Variants in NEURL1 observed in about 807,000 individuals in gnomAD.
The protein encoded by NEURL1 is E3 ubiquitin-protein ligase NEURL1.
NEURL1 carries 26 observed loss-of-function variants against 41.2 expected under a neutral mutation model. That is an observed-to-expected ratio of 0.63 (90% CI 0.46 to 0.87). The LOEUF (loss-of-function observed/expected upper bound fraction) is 0.87. Ranked by LOEUF, NEURL1 falls within the 40% of genes least tolerant of loss-of-function variation. The pLI, the probability that NEURL1 is intolerant of heterozygous loss-of-function variation, is 0.00. For synonymous variants in NEURL1, 400 were observed against 402.3 expected (o/e 0.99, Z 0.07); for missense variants, 761 against 871.1 (o/e 0.87, Z 1.59).
At chr10:103,532,533 G>T (rs1257068848) in intron 1 of NEURL1, among the ~76,000 whole-genome samples, 5 of 152,150 alleles carry the variant, frequency 3.3e-5, no homozygotes, top group Non-Finnish European at 7.4e-5. Flanking sequence ...AGCTTTGCTG[G>T]ATATGGTATT....
At chr10:103,532,539 G>T (rs2034593438) in intron 1 of NEURL1, among the ~76,000 whole-genome samples, 1 of 152,046 alleles carries the variant, frequency 6.6e-6, no homozygotes, top group African/African-American at 2.4e-5. Flanking sequence ...GCTGGATATG[G>T]TATTATTGGC....
chr10:103,517,731 C>A (rs887530902), intron 1 of NEURL1, among the ~76,000 whole-genome samples: 11 of 152,248 alleles, frequency 7.2e-5, no homozygotes, highest in African/African-American at 2.4e-4. Flanking sequence ...TGCAGCAGCT[C>A]TTTGAGTGCT....
intron 3 of NEURL1, among the ~76,000 whole-genome samples, chr10:103,576,112 A>T (rs1303317233): frequency 6.6e-6 from 1 of 152,226 alleles, no homozygotes; most frequent in African/African-American, 2.4e-5. Context: ...TCCCTGGGGG[A>T]CACATCATAT....
chr10:103,581,090 C>T (rs537143376), intron 3 of NEURL1, among the ~76,000 whole-genome samples: 28 of 152,282 alleles, frequency 1.8e-4, no homozygotes, highest in African/African-American at 5.1e-4. Context: ...CTGAAGTTAT[C>T]GGGTAGCTTC....
At chr10:103,543,621 G>A (rs1292406452) in intron 1 of NEURL1, among the ~76,000 whole-genome samples, 1 of 152,196 alleles carries the variant, frequency 6.6e-6, no homozygotes, top group Admixed American at 6.5e-5. Flanking sequence ...TACCTTCAGG[G>A]TGCTCCCAGT....
chr10:103,567,490 C>T (rs2035450964), intron 1 of NEURL1, among the ~76,000 whole-genome samples: 1 of 152,138 alleles, frequency 6.6e-6, no homozygotes, highest in African/African-American at 2.4e-5. Flanking sequence ...GCTCAAGGAT[C>T]CTCCTGCCTC....
rs2035431175 is a variant in NEURL1 at position 103,566,689 on chromosome 10, T to C, written c.86-4183T>C. Among the ~76,000 whole-genome samples, 1 of 152,216 alleles carries C rather than the reference T, an allele frequency of 6.6e-6. No individual in the cohort carries two copies. Among genetic ancestry groups the C allele is most frequent in the African/African-American group, 2.4e-5 (1 of 41,434 alleles). ...TACAGGTCATTGTGTGGACATGTTT[T>C]CATTTCTTGTGGGGAAATGCCTGGA... On this transcript the variant is annotated intron_variant, in intron 1 of 5. Transcript: ENST00000369780. This position sits in a 1 kb window ranked among gnomAD's most constrained non-coding sequence, Gnocchi z 4.2.
chr10:103,555,213 G>T, intron 1 of NEURL1: 4 of 734,032 alleles, frequency 5.4e-6, no homozygotes. Context: ...TGTGCCGGAG[G>T]GGGCGCGTGG....
At chr10:103,530,113 C>A (rs1464073260) in intron 1 of NEURL1, among the ~76,000 whole-genome samples, 3 of 152,022 alleles carry the variant, frequency 2.0e-5, no homozygotes, top group African/African-American at 7.2e-5. Flanking sequence ...TAGCTAATGG[C>A]TTGTCAATTA....
chr10:103,507,885 G>A (rs898920174), intron 1 of NEURL1, among the ~76,000 whole-genome samples: 3 of 152,142 alleles, frequency 2.0e-5, no homozygotes, highest in East Asian at 1.9e-4. Context: ...CCTCCCTGTA[G>A]GTTCCAGTTC....
At chr10:103,554,701 C>G (rs1213346879) in intron 1 of NEURL1, among the ~76,000 whole-genome samples, 1 of 152,084 alleles carries the variant, frequency 6.6e-6, no homozygotes, top group Non-Finnish European at 1.5e-5. Flanking sequence ...CTGTGAGGAC[C>G]AAAGGAGTTA....
At chr10:103,527,250 G>A (rs2034478788) in intron 1 of NEURL1, among the ~76,000 whole-genome samples, 1 of 151,310 alleles carries the variant, frequency 6.6e-6, no homozygotes, top group African/African-American at 2.4e-5. Flanking sequence ...GGTTTTGGTA[G>A]GTTTTGACTG....
At chr10:103,581,083 A>T (rs193177926) in intron 3 of NEURL1, among the ~76,000 whole-genome samples, 1 of 152,146 alleles carries the variant, frequency 6.6e-6, no homozygotes, top group Non-Finnish European at 1.5e-5. Flanking sequence ...CTAATATCTG[A>T]AGTTATCGGG....
chr10:103,581,908 T>A (rs929563539), intron 3 of NEURL1, among the ~76,000 whole-genome samples: 3 of 152,170 alleles, frequency 2.0e-5, no homozygotes, highest in Non-Finnish European at 4.4e-5. Flanking sequence ...AAATACTCTT[T>A]AAAGACAGAT....
At chr10:103,512,762 GTC>G (rs375248359) in intron 1 of NEURL1, among the ~76,000 whole-genome samples, 75 of 152,244 alleles carry the variant, frequency 4.9e-4, no homozygotes, top group African/African-American at 1.8e-3. Context: ...GGCTTCAGGT[GTC>G]TCTGTTTTGT....
At chr10:103,510,762 T>C (rs2034051263) in intron 1 of NEURL1, among the ~76,000 whole-genome samples, 1 of 152,198 alleles carries the variant, frequency 6.6e-6, no homozygotes, top group Non-Finnish European at 1.5e-5. Context: ...TCTTGCTACC[T>C]CCAATGTGGA....
intron 1 of NEURL1, among the ~76,000 whole-genome samples, chr10:103,554,902 G>A (rs981596337): frequency 9.2e-5 from 14 of 152,214 alleles, no homozygotes; most frequent in African/African-American, 2.9e-4. Flanking sequence ...GTGAATGAAT[G>A]GCTGTCGGCC....
At chr10:103,552,096 G>A (rs1207704018) in intron 1 of NEURL1, among the ~76,000 whole-genome samples, 1 of 152,148 alleles carries the variant, frequency 6.6e-6, no homozygotes, top group Admixed American at 6.5e-5. Flanking sequence ...AGGGGAGTGA[G>A]GCTAAGTCAG....
At chr10:103,519,094 A>G (rs1273892394) in intron 1 of NEURL1, among the ~76,000 whole-genome samples, 3 of 152,118 alleles carry the variant, frequency 2.0e-5, no homozygotes, top group African/African-American at 7.2e-5. Context: ...AAAACACAAA[A>G]AAATTAGCTG....
Sources: gnomAD v4.1 joint callset for allele counts (sites outside exome capture counted in the v4.1 genomes callset) on GRCh38, gnomAD v4.1.1 for gene constraint, Gnocchi (gnomAD v3.1) non-coding constraint, MANE v1.5 for transcripts, NCBI Gene and HGNC (gene_info 2026-07-23, HGNC 2026-07-21) for gene names.